Variants in ESRRG observed in about 807,000 individuals in gnomAD.
ESRRG encodes the protein estrogen related receptor gamma.
Under a neutral mutation model 44.0 loss-of-function variants are expected in ESRRG, and 13 were observed. The ratio of observed to expected loss-of-function variants is 0.30; its 90% CI spans 0.19 to 0.47. The LOEUF is 0.47. ESRRG is among the 20% of genes least tolerant of loss of function. The pLI is 1.00. For synonymous variants in ESRRG, 215 were observed against 214.6 expected, an observed-to-expected ratio of 1.00 and a Z score of -0.02; for missense variants, 395 against 580.6, an observed-to-expected ratio of 0.68 and a Z score of 3.29.
At position 216,680,536 on chromosome 1, in the gene ESRRG, A is replaced by C. The variant is rs182748744; in HGVS notation, c.57-3045T>G. ...CAATTATATCCACAGCCCACGCATA[A>C]GTGGAAAAGGGGTGAAGGGGCCACT... On this transcript the variant is annotated intron_variant, in intron 1 of 6. Coordinates refer to ENST00000408911, the MANE Select transcript of ESRRG (RefSeq NM_001438.4). 1.1e-4 allele frequency among the ~76,000 whole-genome samples: 17 copies of C among 152,306 alleles called. No homozygotes were observed. The East Asian group carries it at 3.3e-3, about 29-fold the overall frequency.
intron 1 of ESRRG, among the ~76,000 whole-genome samples, chr1:216,984,301 C>A (rs1204931773): frequency 6.6e-6 from 1 of 152,110 alleles, no homozygotes; most frequent in Non-Finnish European, 1.5e-5. Flanking sequence ...CAAAATGCAT[C>A]CTTACTACAC....
At chr1:217,098,109 A>G (rs2092450910) in intron 1 of ESRRG, among the ~76,000 whole-genome samples, 1 of 152,148 alleles carries the variant, frequency 6.6e-6, no homozygotes, top group Non-Finnish European at 1.5e-5. Flanking sequence ...CATGGACTGG[A>G]GCCTGATGCA....
At chr1:216,545,358 T>C (rs2054184136) in intron 5 of ESRRG, among the ~76,000 whole-genome samples, 1 of 151,962 alleles carries the variant, frequency 6.6e-6, no homozygotes, top group Non-Finnish European at 1.5e-5. Flanking sequence ...CCACTGTACC[T>C]GGCCTGTATT....
intron 5 of ESRRG, among the ~76,000 whole-genome samples, chr1:216,524,352 T>C (rs557338611): frequency 1.3e-5 from 2 of 149,628 alleles, no homozygotes; most frequent in African/African-American, 5.0e-5. Flanking sequence ...GTTAAGCAGC[T>C]ACAGATGGTT....
chr1:216,507,658 T>C (rs2244598), intron 6 of ESRRG, among the ~76,000 whole-genome samples: 104,595 of 152,058 alleles, frequency 0.69, 36,547 homozygotes, highest in African/African-American at 0.81. Context: ...TGACTAAGAT[T>C]CTAAGAACTC....
intron 3 of ESRRG, among the ~76,000 whole-genome samples, chr1:216,601,293 A>G (rs1217802796): frequency 6.6e-6 from 1 of 151,232 alleles, no homozygotes; most frequent in Admixed American, 6.6e-5. Context: ...CCCTCCGCAG[A>G]CTCCCAGGGA....
intron 1 of ESRRG, among the ~76,000 whole-genome samples, chr1:217,135,237 C>T (rs1046129146): frequency 6.6e-6 from 1 of 152,058 alleles, no homozygotes. Context: ...GCGCTTTTCC[C>T]CCTCCTCACC....
At chr1:216,593,434 G>A (rs1343605461) in intron 3 of ESRRG, among the ~76,000 whole-genome samples, 2 of 152,160 alleles carry the variant, frequency 1.3e-5, no homozygotes, top group African/African-American at 4.8e-5. Context: ...CTGACATTGG[G>A]CCTTCCCCAT....
intron 1 of ESRRG, among the ~76,000 whole-genome samples, chr1:217,131,775 G>A (rs896959515): frequency 6.6e-6 from 1 of 152,110 alleles, no homozygotes; most frequent in Non-Finnish European, 1.5e-5. Context: ...AGTTCAAATT[G>A]GTGAGACCTA....
intron 2 of ESRRG, among the ~76,000 whole-genome samples, chr1:216,861,046 T>C (rs2096045261): frequency 6.6e-6 from 1 of 152,076 alleles, no homozygotes; most frequent in Non-Finnish European, 1.5e-5. Context: ...TAGTCTGTGA[T>C]AAGTAAAACA....
intron 1 of ESRRG, among the ~76,000 whole-genome samples, chr1:217,004,489 C>T (rs542933599): frequency 9.9e-5 from 15 of 152,180 alleles, no homozygotes; most frequent in African/African-American, 3.6e-4. Flanking sequence ...ATGATTGAGG[C>T]CTCCCCAGCC....
chr1:216,913,954 A>G (rs1291605969), intron 2 of ESRRG, among the ~76,000 whole-genome samples: 1 of 152,190 alleles, frequency 6.6e-6, no homozygotes, highest in East Asian at 1.9e-4. Flanking sequence ...AATGCGTTTT[A>G]TTTCTATACT....
At chr1:216,537,644 G>A (rs2051382895) in intron 5 of ESRRG, among the ~76,000 whole-genome samples, 1 of 152,020 alleles carries the variant, frequency 6.6e-6, no homozygotes, top group African/African-American at 2.4e-5. Context: ...GAAGTCACTG[G>A]GGGCTTTGAA....
At chr1:216,690,821 A>T (rs2078924187) in intron 1 of ESRRG, among the ~76,000 whole-genome samples, 1 of 152,176 alleles carries the variant, frequency 6.6e-6, no homozygotes, top group Non-Finnish European at 1.5e-5. Context: ...GGCAAAGCCC[A>T]GTTCAAAGTC....
At chr1:217,004,250 G>T (rs2077433039) in intron 1 of ESRRG, among the ~76,000 whole-genome samples, 1 of 152,144 alleles carries the variant, frequency 6.6e-6, no homozygotes, top group African/African-American at 2.4e-5. Flanking sequence ...GATATGGTTT[G>T]GCTGTGTCCC....
chr1:217,088,585 A>C (rs918586805), intron 1 of ESRRG, among the ~76,000 whole-genome samples: 1 of 151,838 alleles, frequency 6.6e-6, no homozygotes, highest in African/African-American at 2.4e-5. Context: ...AAGCAGACCC[A>C]TGTGGCAATT....
chr1:216,528,407 T>C (rs1425200256), intron 5 of ESRRG, among the ~76,000 whole-genome samples: 1 of 152,192 alleles, frequency 6.6e-6, no homozygotes, highest in Non-Finnish European at 1.5e-5. Flanking sequence ...TAAGTAACCA[T>C]TCACAACAGA....
Position 216,506,969 on chromosome 1 carries a change from A to C in ESRRG, c.1347T>G (p.Leu449=), listed in dbSNP as rs1395578662. ...KLEGKVPMHK[L]FLEMLEAKV Reference sequence around the variant, plus strand: ...CCTTGGCCTCCAACATTTCCAAAAAAAGTTTGTGCATTGGGACTTTGCCTT... The same window carrying C: ...CCTTGGCCTCCAACATTTCCAAAAACAGTTTGTGCATTGGGACTTTGCCTT... The change falls in exon 7 of 7, where the codon CTT becomes CTG. Residue 449 remains leucine, a synonymous_variant. Coordinates refer to ENST00000408911, the MANE Select transcript of ESRRG (RefSeq NM_001438.4). 1.2e-6 allele frequency: 2 copies of C among 1,613,956 alleles called. No individual in the cohort carries two copies. Among genetic ancestry groups the C allele is most frequent in the Non-Finnish European group, 1.7e-6 (2 of 1,179,992 alleles).
At chr1:216,765,950 G>A (rs1037692350) in intron 2 of ESRRG, among the ~76,000 whole-genome samples, 2 of 152,074 alleles carry the variant, frequency 1.3e-5, no homozygotes, top group Non-Finnish European at 1.5e-5. Context: ...CATTTCTTGC[G>A]ACTGATGTAA....
Sources: allele counts gnomAD v4.1 joint callset (sites outside exome capture counted in the v4.1 genomes callset), GRCh38; gene constraint gnomAD v4.1.1; transcripts MANE v1.5; gene names NCBI Gene and HGNC (gene_info 2026-07-23, HGNC 2026-07-21).